Variants in LRRN1 observed in about 807,000 individuals in gnomAD.
The protein encoded by LRRN1 is leucine-rich repeat neuronal protein 1.
Under a neutral mutation model 45.8 loss-of-function variants are expected in LRRN1, and 14 were observed. That is an observed-to-expected ratio of 0.31 (90% CI 0.20 to 0.48). The LOEUF is 0.48. Among genes scored for constraint, LRRN1 ranks in the 20% least tolerant of loss-of-function variants. The pLI, the probability that LRRN1 is intolerant of heterozygous loss-of-function variation, is 0.99. For missense variants in LRRN1, 789 were observed against 874.2 expected (o/e 0.90, Z 1.23); for synonymous variants, 359 against 330.1 (o/e 1.09, Z -0.95).
At chr3:3,836,980 C>T (rs1693533665) in intron 1 of LRRN1, among the ~76,000 whole-genome samples, 1 of 152,164 alleles carries the variant, frequency 6.6e-6, no homozygotes, top group South Asian at 2.1e-4. Context: ...CCCACCTACA[C>T]AACCCAGCTG....
At chr3:3,824,012 C>T (rs1216976124) in intron 1 of LRRN1, among the ~76,000 whole-genome samples, 2 of 152,126 alleles carry the variant, frequency 1.3e-5, no homozygotes, top group African/African-American at 4.8e-5. Context: ...ACTCAGGTCC[C>T]CTAACTCTTG....
At chr3:3,823,946 A>G (rs1348649121) in intron 1 of LRRN1, among the ~76,000 whole-genome samples, 1 of 152,186 alleles carries the variant, frequency 6.6e-6, no homozygotes, top group Non-Finnish European at 1.5e-5. Context: ...CTCATCATTT[A>G]GAGGTAGGAA....
chr3:3,815,544 A>G (rs1692970329), intron 1 of LRRN1, among the ~76,000 whole-genome samples: 1 of 152,178 alleles, frequency 6.6e-6, no homozygotes, highest in Admixed American at 6.5e-5. Context: ...TACTAGCTGG[A>G]TTTTTGAGAC....
chr3:3,832,262 G>A (rs951006714), intron 1 of LRRN1, among the ~76,000 whole-genome samples: 20 of 152,266 alleles, frequency 1.3e-4, no homozygotes, highest in Admixed American at 1.2e-3. Context: ...ATTTTTCTAG[G>A]TAGAGGCAGC....
intron 1 of LRRN1, among the ~76,000 whole-genome samples, chr3:3,831,915 G>C (rs1693379935): frequency 6.6e-6 from 1 of 152,114 alleles, no homozygotes; most frequent in Non-Finnish European, 1.5e-5. Context: ...GTATATTGCT[G>C]TCCTTGCCAG....
At chr3:3,810,737 G>T (rs1692854912) in intron 1 of LRRN1, among the ~76,000 whole-genome samples, 1 of 152,156 alleles carries the variant, frequency 6.6e-6, no homozygotes, top group African/African-American at 2.4e-5. Flanking sequence ...AAAAGAAAAA[G>T]AGACAGTCAC....
chr3:3,837,306 T>C (rs1336654816), intron 1 of LRRN1, among the ~76,000 whole-genome samples: 2 of 139,992 alleles, frequency 1.4e-5, no homozygotes, highest in South Asian at 2.5e-4. Flanking sequence ...AGCATTTGGA[T>C]TGGGGGCAAG....
Position 3,816,362 on chromosome 3 carries a change from T to A in LRRN1, c.-279+16443T>A, listed in dbSNP as rs1477471788. Among the ~76,000 whole-genome samples the A allele has an allele frequency of 6.6e-5, 10 of 152,130 alleles. No homozygotes were observed. Among genetic ancestry groups the A allele is most frequent in the Non-Finnish European group, 1.2e-4 (8 of 68,012 alleles). ...CATTGGCATCAAGGAAAATCTACAA[T>A]AAGAAACTCTTTCAAATTCAGGGAT... On this transcript the variant is annotated intron_variant, in intron 1 of 1. Transcript: ENST00000319331. This position sits in a 1 kb window ranked among gnomAD's most constrained non-coding sequence, Gnocchi z 4.0.
At chr3:3,838,521 C>T (rs1231527666) in intron 1 of LRRN1, among the ~76,000 whole-genome samples, 1 of 152,160 alleles carries the variant, frequency 6.6e-6, no homozygotes, top group African/African-American at 2.4e-5. Context: ...TAAGATTCCG[C>T]TTTAATTCTT....
intron 1 of LRRN1, among the ~76,000 whole-genome samples, chr3:3,808,354 A>T (rs1031759401): frequency 6.6e-6 from 1 of 152,208 alleles, no homozygotes; most frequent in Non-Finnish European, 1.5e-5. Context: ...TCTGTAATGT[A>T]GACACCCACT....
At chr3:3,810,462 G>A (rs999381503) in intron 1 of LRRN1, among the ~76,000 whole-genome samples, 5 of 152,172 alleles carry the variant, frequency 3.3e-5, no homozygotes, top group Non-Finnish European at 5.9e-5. Context: ...TCATCATCTT[G>A]TATCTTGACC....
chr3:3,838,518 C>G (rs1693576115), intron 1 of LRRN1, among the ~76,000 whole-genome samples: 2 of 152,128 alleles, frequency 1.3e-5, no homozygotes, highest in Admixed American at 1.3e-4. Flanking sequence ...CTTTAAGATT[C>G]CGCTTTAATT....
At chr3:3,814,017 T>A (rs1375735307) in intron 1 of LRRN1, among the ~76,000 whole-genome samples, 1 of 151,962 alleles carries the variant, frequency 6.6e-6, no homozygotes, top group East Asian at 1.9e-4. Context: ...CTCCCCTGTC[T>A]GCACATCTAG....
chr3:3,808,509 T>C (rs1561802), intron 1 of LRRN1, among the ~76,000 whole-genome samples: 96,565 of 152,106 alleles, frequency 0.63, 33,274 homozygotes, highest in Non-Finnish European at 0.78. Flanking sequence ...GAGTCCTTTA[T>C]TTGAATTCTC....
Position 3,847,722 on chromosome 3 carries a change from G to A in LRRN1, c.*930G>A, listed in dbSNP as rs1037153071. ...CAAAATAAATCAGCTGTAGCATGTT[G>A]CTTTTTAAAGCTAGGCCCTAAAAGG... is the stretch of plus-strand genomic sequence containing the variant. On this transcript the variant is annotated 3_prime_UTR_variant, in exon 2 of 2. Coordinates refer to ENST00000319331, the MANE Select transcript of LRRN1 (RefSeq NM_020873.7). 15 of 166,682 alleles carry A rather than the reference G, an allele frequency of 9.0e-5. 2 individuals carry two copies. The highest frequency in any genetic ancestry group is 2.6e-4 in the Admixed American group (4 of 15,280). The allele number at this position is 166,682 out of a possible 1,614,324, so 10.3% of individuals were successfully genotyped here. A position where few individuals can be genotyped will look rare whatever the true frequency, so the allele number is the denominator to read the frequency against.
intron 1 of LRRN1, among the ~76,000 whole-genome samples, chr3:3,803,486 T>C (rs1032373233): frequency 6.6e-6 from 1 of 152,192 alleles, no homozygotes. Flanking sequence ...AGCACTAATG[T>C]CAGGTTATTC....
intron 1 of LRRN1, among the ~76,000 whole-genome samples, chr3:3,842,099 A>G (rs1693664577): frequency 6.6e-6 from 1 of 152,162 alleles, no homozygotes; most frequent in African/African-American, 2.4e-5. Flanking sequence ...TCAATGGGCA[A>G]TTGTAACACA....
intron 1 of LRRN1, among the ~76,000 whole-genome samples, 173 bp from the exon 2 acceptor site, chr3:3,844,191 A>G (rs553209411): frequency 1.3e-5 from 2 of 152,330 alleles, no homozygotes; most frequent in African/African-American, 4.8e-5. Flanking sequence ...AGTAAGTGGG[A>G]TATAGTAAGA....
Position 3,846,244 on chromosome 3 carries a change from G to A in LRRN1, c.1603G>A (p.Glu535Lys). 6.2e-7 allele frequency: 1 copy of A among 1,614,094 alleles called. No homozygotes were observed. The highest frequency in any genetic ancestry group is 8.5e-7 in the Non-Finnish European group (1 of 1,180,030). Residue 535 changes from glutamate to lysine, a missense_variant, in exon 2 of 2, where the codon GAA (glutamate) becomes AAA (lysine). By Grantham distance (56) the Glu-to-Lys change is moderately conservative (BLOSUM62 1). Coordinates refer to ENST00000319331, the MANE Select transcript of LRRN1 (RefSeq NM_020873.7). The surrounding 1 kb of genome is among the most constrained non-coding windows in gnomAD (Gnocchi z 5.7). ...GCTAAAAATATACGTCAAGCAGACA[G>A]AATCCCATTCCATCTTAGTGTCCTG... The part of the protein sequence containing the change: ...QVLKIYVKQT[E>K]SHSILVSWKV...
Sources: gnomAD v4.1 joint callset for allele counts (sites outside exome capture counted in the v4.1 genomes callset) on GRCh38, gnomAD v4.1.1 for gene constraint, Gnocchi (gnomAD v3.1) non-coding constraint, MANE v1.5 for transcripts, NCBI Gene and HGNC (gene_info 2026-07-23, HGNC 2026-07-21) for gene names.